Variants in ADAMTSL1 observed in about 807,000 individuals in gnomAD.
ADAMTSL1 encodes the protein ADAMTS-like protein 1.
In ADAMTSL1, 126 loss-of-function variants were observed where a neutral mutation model predicts 201.8. That is an observed-to-expected ratio of 0.62 (90% confidence interval 0.54 to 0.72). The LOEUF is 0.72. Among genes scored for constraint, ADAMTSL1 ranks in the 30% least tolerant of loss-of-function variants. The pLI is 0.00. For synonymous variants in ADAMTSL1, 1,121 were observed against 903.4 expected, an observed-to-expected ratio of 1.24 and a Z score of -4.32; for missense variants, 2,679 against 2,277.8, an observed-to-expected ratio of 1.18 and a Z score of -3.59.
At chr9:18,249,008 G>T (rs1056524447) in intron 2 of ADAMTSL1, among the ~76,000 whole-genome samples, 2 of 152,132 alleles carry the variant, frequency 1.3e-5, no homozygotes, top group African/African-American at 4.8e-5. Flanking sequence ...GGATAGATTT[G>T]CATATGGATT....
At chr9:18,584,377 G>A (rs1823334755) in intron 4 of ADAMTSL1, among the ~76,000 whole-genome samples, 1 of 150,384 alleles carries the variant, frequency 6.6e-6, no homozygotes. Context: ...GCCCCCCCCA[G>A]CCACATGGAA....
At chr9:18,208,452 G>A (rs1829743346) in intron 2 of ADAMTSL1, among the ~76,000 whole-genome samples, 1 of 152,104 alleles carries the variant, frequency 6.6e-6, no homozygotes, top group Admixed American at 6.5e-5. Flanking sequence ...CAGATACACG[G>A]CAACCAATGA....
chr9:18,621,744 A>T (rs910273598), intron 4 of ADAMTSL1, among the ~76,000 whole-genome samples: 10 of 152,178 alleles, frequency 6.6e-5, no homozygotes, highest in African/African-American at 2.2e-4. Context: ...CTTGGAATAC[A>T]TTAATTAACC....
At chr9:18,681,280 G>C (rs1386384288) in intron 11 of ADAMTSL1, 1 of 152,340 alleles carries the variant, frequency 6.6e-6, no homozygotes, top group Non-Finnish European at 1.5e-5. Context: ...TCTACATTGG[G>C]CATCTGGTCA....
At chr9:18,160,719 G>T (rs1241311142) in intron 1 of ADAMTSL1, among the ~76,000 whole-genome samples, 2 of 150,694 alleles carry the variant, frequency 1.3e-5, no homozygotes, top group African/African-American at 2.4e-5. Flanking sequence ...TATTTCTGTT[G>T]CCCAGGCCAG....
intron 2 of ADAMTSL1, among the ~76,000 whole-genome samples, chr9:18,174,785 T>G (rs1212635336): frequency 6.6e-6 from 1 of 152,182 alleles, no homozygotes; most frequent in Non-Finnish European, 1.5e-5. Flanking sequence ...ATTTGTATCC[T>G]GTTTTCCCTG....
At chr9:18,429,973 A>G (rs1819410962) in intron 2 of ADAMTSL1, among the ~76,000 whole-genome samples, 1 of 151,908 alleles carries the variant, frequency 6.6e-6, no homozygotes, top group South Asian at 2.1e-4. Flanking sequence ...TATTTTTAGT[A>G]GAGACAGGGT....
chr9:18,878,096 C>T lies in ADAMTSL1; in HGVS notation c.4250-9735C>T, dbSNP rs531417429. Among the ~76,000 whole-genome samples the T allele has an allele frequency of 4.4e-4, 67 of 152,262 alleles. 1 individual carries two copies. The South Asian group carries it at 0.013, about 29-fold the overall frequency. Reference sequence around the variant, plus strand: ...GGCTTCACCCAGCTCCCATGCAGCCCGAAAGGCCAGTCTCACTCCCACCAT... The same window carrying T: ...GGCTTCACCCAGCTCCCATGCAGCCTGAAAGGCCAGTCTCACTCCCACCAT... On this transcript the variant is annotated intron_variant, in intron 23 of 28. Transcript: ENST00000380548.
At chr9:18,323,753 A>G (rs1031577761) in intron 2 of ADAMTSL1, among the ~76,000 whole-genome samples, 10 of 152,328 alleles carry the variant, frequency 6.6e-5, no homozygotes, top group Middle Eastern at 3.4e-3. Flanking sequence ...TATGAAATAC[A>G]TAAGGGATAC....
At chr9:18,874,900 C>T (rs1377701497) in intron 23 of ADAMTSL1, among the ~76,000 whole-genome samples, 1 of 151,572 alleles carries the variant, frequency 6.6e-6, no homozygotes, top group Non-Finnish European at 1.5e-5. Context: ...TGGTCCTGGA[C>T]TTTTTTTTGT....
At chr9:18,507,966 C>T (rs1345794292) in intron 2 of ADAMTSL1, among the ~76,000 whole-genome samples, 1 of 152,002 alleles carries the variant, frequency 6.6e-6, no homozygotes, top group Non-Finnish European at 1.5e-5. Flanking sequence ...GGGTGGATCA[C>T]CTGAGGTCAA....
intron 2 of ADAMTSL1, among the ~76,000 whole-genome samples, chr9:18,333,493 G>A (rs919863586): frequency 2.0e-5 from 3 of 152,184 alleles, no homozygotes; most frequent in African/African-American, 7.2e-5. Flanking sequence ...AAATTATGCA[G>A]TCTCGGGTGT....
At chr9:18,757,333 T>C (rs1244865718) in intron 16 of ADAMTSL1, among the ~76,000 whole-genome samples, 1 of 152,156 alleles carries the variant, frequency 6.6e-6, no homozygotes, top group Non-Finnish European at 1.5e-5. Flanking sequence ...CTCTTTGGTG[T>C]TGGTTATAAG....
intron 1 of ADAMTSL1, among the ~76,000 whole-genome samples, chr9:18,501,232 C>A (rs948438520): frequency 1.3e-5 from 2 of 152,024 alleles, no homozygotes; most frequent in Non-Finnish European, 2.9e-5. Context: ...GAAATGGGGC[C>A]GAGCGTGATG....
At chr9:18,654,284 G>C (rs748869730) in intron 7 of ADAMTSL1, among the ~76,000 whole-genome samples, 1 of 152,176 alleles carries the variant, frequency 6.6e-6, no homozygotes, top group Non-Finnish European at 1.5e-5. Context: ...TTCCATTTAT[G>C]AATTTTATCA....
At chr9:18,621,809 A>T (rs1826050851) in intron 4 of ADAMTSL1, among the ~76,000 whole-genome samples, 1 of 152,202 alleles carries the variant, frequency 6.6e-6, no homozygotes, top group Non-Finnish European at 1.5e-5. Flanking sequence ...ACCATGTGGA[A>T]CATGGAGATC....
intron 2 of ADAMTSL1, among the ~76,000 whole-genome samples, chr9:18,423,920 A>G (rs1359930005): frequency 1.3e-5 from 2 of 152,252 alleles, no homozygotes; most frequent in Non-Finnish European, 2.9e-5. Flanking sequence ...AAATATGTGC[A>G]TGAATGGCAC....
Position 18,895,411 on chromosome 9 carries a change from C to T in ADAMTSL1, c.4851+2815C>T, listed in dbSNP as rs552188698. Among the ~76,000 whole-genome samples, 262 of 146,898 alleles carry T rather than the reference C, an allele frequency of 1.8e-3. 1 individual carries two copies. The highest frequency in any genetic ancestry group is 6.1e-3 in the African/African-American group (235 of 38,828). On this transcript the variant is annotated intron_variant, in intron 26 of 28. Transcript: ENST00000380548. ...ATGATAGGAAATTTCCTGGTATTTT[C>T]GTTCATCCTTGCCCCACCCCCTCCC...
At chr9:18,718,407 C>G (rs896050100) in intron 14 of ADAMTSL1, 1 of 680,644 alleles carries the variant, frequency 1.5e-6, no homozygotes, top group Admixed American at 1.8e-5. Context: ...AACTTGCTTT[C>G]TATAAGAATC....
Sources: gnomAD v4.1 joint callset for allele counts (sites outside exome capture counted in the v4.1 genomes callset) on GRCh38, gnomAD v4.1.1 for gene constraint, MANE v1.5 for transcripts, NCBI Gene and HGNC (gene_info 2026-07-23, HGNC 2026-07-21) for gene names.